Variants in SCG3 observed in about 807,000 individuals in gnomAD.
SCG3 encodes secretogranin-3.
A neutral mutation model predicts 56.2 loss-of-function variants in SCG3; 38 were observed. The ratio of observed to expected loss-of-function variants is 0.68; its 90% CI spans 0.52 to 0.89. The LOEUF is 0.89. Among genes scored for constraint, SCG3 ranks in the 40% least tolerant of loss-of-function variants. The pLI, the probability that SCG3 is intolerant of heterozygous loss-of-function variation, is 0.00. For synonymous variants in SCG3, 176 were observed against 184.2 expected, an observed-to-expected ratio of 0.96 and a Z score of 0.36; for missense variants, 524 against 540.7, an observed-to-expected ratio of 0.97 and a Z score of 0.31.
chr15:51,681,558 A>C lies in SCG3; in HGVS notation c.-198A>C. 1 of 584,062 alleles carries C rather than the reference A, an allele frequency of 1.7e-6. No individual in the cohort carries two copies. The highest frequency in any genetic ancestry group is 3.1e-6 in the Non-Finnish European group (1 of 325,854). 36.2% of individuals were successfully genotyped at this position (584,062 alleles called of 1,614,324 possible). A position where few individuals can be genotyped will look rare whatever the true frequency, so the allele number is the denominator to read the frequency against. ...GCGCTCCCCTCTACCTGGAGACTTG[A>C]CTCCCGCGCGCCCCAACCCTGCTTA... On this transcript the variant is annotated 5_prime_UTR_variant, in exon 1 of 12. Coordinates refer to ENST00000220478, the MANE Select transcript of SCG3 (RefSeq NM_013243.4).
At chr15:51,714,760 C>G (rs746168824) in intron 11 of SCG3, among the ~76,000 whole-genome samples, 3 of 152,120 alleles carry the variant, frequency 2.0e-5, no homozygotes, top group African/African-American at 4.8e-5. Context: ...TTTTCAGCAC[C>G]CTGGTAGCTT....
intron 11 of SCG3, among the ~76,000 whole-genome samples, chr15:51,717,302 A>G (rs1047125716): frequency 1.3e-5 from 2 of 151,222 alleles, no homozygotes; most frequent in African/African-American, 4.9e-5. Context: ...CGGGAGGTGG[A>G]GCTTGCAGTG....
At chr15:51,701,888 A>G (rs2055341765) in intron 10 of SCG3, among the ~76,000 whole-genome samples, 1 of 152,100 alleles carries the variant, frequency 6.6e-6, no homozygotes, top group Admixed American at 6.5e-5. Context: ...AGGGCAATGA[A>G]AACACTTGGA....
chr15:51,709,684 TATATATATA>T (rs1567222248), intron 10 of SCG3, among the ~76,000 whole-genome samples: 89 of 16,512 alleles, frequency 5.4e-3, no homozygotes, highest in Non-Finnish European at 0.011. Flanking sequence ...TATATATATA[TATATATATA>T]TATATATATT....
intron 7 of SCG3, among the ~76,000 whole-genome samples, chr15:51,694,758 C>T (rs574987757): frequency 4.6e-5 from 7 of 152,234 alleles, no homozygotes; most frequent in East Asian, 1.9e-4. Context: ...AGGCCGAGCG[C>T]GGTGGCTCAC....
chr15:51,688,788 A>G (rs1481307717), intron 5 of SCG3, among the ~76,000 whole-genome samples: 1 of 152,214 alleles, frequency 6.6e-6, no homozygotes, highest in Non-Finnish European at 1.5e-5. Context: ...GAGCAAAAGC[A>G]TGTGATGTGT....
intron 11 of SCG3, among the ~76,000 whole-genome samples, chr15:51,717,560 A>G (rs2055466332): frequency 1.4e-5 from 2 of 146,826 alleles, no homozygotes; most frequent in Admixed American, 1.4e-4. Context: ...AAAAAAAAGG[A>G]TTGCTAGAAT....
intron 10 of SCG3, among the ~76,000 whole-genome samples, chr15:51,703,320 A>G (rs2055350676): frequency 6.6e-6 from 1 of 152,252 alleles, no homozygotes; most frequent in Non-Finnish European, 1.5e-5. Context: ...TGTATGAAGT[A>G]GAAGAGAAAC....
At chr15:51,681,882 A>G in intron 1 of SCG3, 45 bp downstream of exon 1, 1 of 1,526,264 alleles carries the variant, frequency 6.6e-7, no homozygotes, top group Non-Finnish European at 9.1e-7. Context: ...TTATTTCGCC[A>G]CGAAAAGGTA....
intron 10 of SCG3, among the ~76,000 whole-genome samples, chr15:51,703,518 T>C (rs1271899054): frequency 6.6e-6 from 1 of 152,188 alleles, no homozygotes; most frequent in Non-Finnish European, 1.5e-5. Context: ...GGGAGCTCCC[T>C]AAATTTCTCT....
intron 7 of SCG3, chr15:51,693,192 A>C (rs1456418630): frequency 1.3e-5 from 2 of 152,216 alleles, no homozygotes; most frequent in East Asian, 3.8e-4. Context: ...TCATACACAC[A>C]CACAAAAGTA....
intron 10 of SCG3, among the ~76,000 whole-genome samples, chr15:51,705,993 C>G (rs2055372336): frequency 6.6e-6 from 1 of 152,118 alleles, no homozygotes; most frequent in African/African-American, 2.4e-5. Flanking sequence ...TTAGAAAACA[C>G]CAGCTAAGTG....
intron 6 of SCG3, among the ~76,000 whole-genome samples, chr15:51,690,349 T>A (rs2055258650): frequency 6.6e-6 from 1 of 152,208 alleles, no homozygotes; most frequent in Non-Finnish European, 1.5e-5. Flanking sequence ...AAACTTTAGA[T>A]GAAACTGACC....
intron 10 of SCG3, among the ~76,000 whole-genome samples, chr15:51,704,240 C>CATACATACATAT (rs2055357089): frequency 1.7e-5 from 1 of 58,826 alleles, no homozygotes; most frequent in Non-Finnish European, 3.2e-5. Flanking sequence ...TACATACATA[C>CATACATACATAT]ATACATATAT....
At chr15:51,690,283 T>C (rs1362958303) in intron 6 of SCG3, among the ~76,000 whole-genome samples, 1 of 152,324 alleles carries the variant, frequency 6.6e-6, no homozygotes, top group African/African-American at 2.4e-5. Context: ...TCTTCATTTT[T>C]TCCTTAGCAC....
intron 11 of SCG3, among the ~76,000 whole-genome samples, chr15:51,718,156 T>C (rs1319091181): frequency 1.3e-5 from 2 of 151,190 alleles, no homozygotes; most frequent in African/African-American, 4.9e-5. Context: ...GACGAAAACC[T>C]ATATAGATAG....
At chr15:51,705,713 G>A (rs1054387631) in intron 10 of SCG3, among the ~76,000 whole-genome samples, 3 of 151,994 alleles carry the variant, frequency 2.0e-5, no homozygotes, top group African/African-American at 7.3e-5. Context: ...GTAGACATGG[G>A]GTTTCACCAT....
chr15:51,696,023 G>A (rs756831735), intron 8 of SCG3, 32 bp downstream of exon 8: 1 of 1,282,618 alleles, frequency 7.8e-7, no homozygotes, highest in Non-Finnish European at 1.1e-6. Context: ...TTCTACTGTG[G>A]TGGTTTTCAT....
chr15:51,688,503 T>C lies in SCG3; in HGVS notation c.540+101T>C, dbSNP rs80309760. 2,575 of 1,059,142 alleles carry C rather than the reference T, an allele frequency of 2.4e-3. 44 individuals carry two copies. In the African/African-American group the frequency reaches 0.037, roughly 15 times the overall value. The allele number at this position is 1,059,142 out of a possible 1,614,324, so 65.6% of individuals were successfully genotyped here. On this transcript the variant is annotated intron_variant, in intron 5 of 11. Transcript: ENST00000220478. ...CAAGTAGCCAAGTGTTTATAATGTGTCTTCCTTCTACTAGGACCCGTAGGT... is the reference window on the plus strand; with the variant it reads ...CAAGTAGCCAAGTGTTTATAATGTGCCTTCCTTCTACTAGGACCCGTAGGT...
Sources: gnomAD v4.1 joint callset for allele counts (sites outside exome capture counted in the v4.1 genomes callset) on GRCh38, gnomAD v4.1.1 for gene constraint, MANE v1.5 for transcripts, NCBI Gene and HGNC (gene_info 2026-07-23, HGNC 2026-07-21) for gene names.